Variants in PAK1 observed in about 807,000 individuals in gnomAD.
The protein encoded by PAK1 is serine/threonine-protein kinase PAK 1.
Under a neutral mutation model 67.4 loss-of-function variants are expected in PAK1, and 29 were observed. The observed-to-expected ratio is 0.43, with a 90% CI of 0.32 to 0.59. PAK1 has a LOEUF of 0.59. Among genes scored for constraint, PAK1 ranks in the 20% least tolerant of loss-of-function variants. PAK1 has a pLI of 0.07. For missense variants in PAK1, 337 were observed against 670.7 expected, an observed-to-expected ratio of 0.50 and a Z score of 5.50; for synonymous variants, 223 against 237.4, an observed-to-expected ratio of 0.94 and a Z score of 0.56.
intron 1 of PAK1, among the ~76,000 whole-genome samples, chr11:77,466,232 A>AT: frequency 6.6e-6 from 1 of 152,326 alleles, no homozygotes; most frequent in Non-Finnish European, 1.5e-5. Context: ...AATTCAACAC[A>AT]TTTATATGAC....
At chr11:77,435,699 G>A (rs543176910) in intron 1 of PAK1, among the ~76,000 whole-genome samples, 3 of 133,890 alleles carry the variant, frequency 2.2e-5, no homozygotes, top group Admixed American at 1.6e-4. Flanking sequence ...TAGTAGAGAC[G>A]GAGTTTCACC....
intron 1 of PAK1, among the ~76,000 whole-genome samples, chr11:77,422,758 G>A (rs1342823711): frequency 6.6e-6 from 1 of 152,114 alleles, no homozygotes; most frequent in Admixed American, 6.5e-5. Flanking sequence ...TAAGGATTCT[G>A]GGGAAATGGT....
chr11:77,345,743 T>C (rs1169353971), intron 9 of PAK1, among the ~76,000 whole-genome samples: 1 of 152,198 alleles, frequency 6.6e-6, no homozygotes, highest in Non-Finnish European at 1.5e-5. Context: ...TGAGCATTAG[T>C]TTTTCCTAAC....
At chr11:77,455,224 T>G (rs1482161256) in intron 1 of PAK1, among the ~76,000 whole-genome samples, 1 of 152,014 alleles carries the variant, frequency 6.6e-6, no homozygotes, top group Non-Finnish European at 1.5e-5. Flanking sequence ...CTGAATATTC[T>G]CTAGGGCATA....
At chr11:77,433,086 A>T (rs1034363549) in intron 1 of PAK1, among the ~76,000 whole-genome samples, 1 of 152,224 alleles carries the variant, frequency 6.6e-6, no homozygotes, top group African/African-American at 2.4e-5. Flanking sequence ...AAGACAATGC[A>T]ACGAAGAAAG....
intron 1 of PAK1, among the ~76,000 whole-genome samples, chr11:77,420,839 G>A (rs1172940554): frequency 3.9e-5 from 6 of 152,218 alleles, no homozygotes; most frequent in Non-Finnish European, 7.3e-5. Flanking sequence ...CTGGCATTTA[G>A]TAAGTGGGAG....
upstream of PAK1, chr11:77,474,292 T>G (rs1311458086): frequency 6.6e-6 from 1 of 151,794 alleles, no homozygotes; most frequent in Non-Finnish European, 1.5e-5. Context: ...GGGGAGGGCC[T>G]GACCGACCCG....
At chr11:77,362,112 C>A (rs986880847) in intron 5 of PAK1, among the ~76,000 whole-genome samples, 2 of 152,060 alleles carry the variant, frequency 1.3e-5, no homozygotes, top group Non-Finnish European at 2.9e-5. Flanking sequence ...TAAATTTATC[C>A]ACCGGTTTGG....
At chr11:77,523,545 G>A in the PAK1 span, among the ~76,000 whole-genome samples, 1,773 of 150,748 alleles carry the variant, frequency 0.012, 33 homozygotes, top group African/African-American at 0.037. Context: ...TCAGCCTCCC[G>A]AGTAGCTGGG....
chr11:77,413,958 C>T (rs1180787570), intron 1 of PAK1, among the ~76,000 whole-genome samples: 1 of 152,164 alleles, frequency 6.6e-6, no homozygotes, highest in African/African-American at 2.4e-5. Flanking sequence ...CGACTTCCCA[C>T]CCCATGCAGC....
intron 1 of PAK1, among the ~76,000 whole-genome samples, chr11:77,438,802 T>A (rs941939168): frequency 2.0e-5 from 3 of 152,188 alleles, no homozygotes; most frequent in African/African-American, 7.2e-5. Flanking sequence ...TATTAATCTA[T>A]AAAATGGTGA....
At chr11:77,439,866 G>C (rs1956280832) in intron 1 of PAK1, among the ~76,000 whole-genome samples, 1 of 152,164 alleles carries the variant, frequency 6.6e-6, no homozygotes. Flanking sequence ...TATAAGATTG[G>C]CTCCACTCAG....
At chr11:77,332,650 G>A in intron 14 of PAK1, 80 bp downstream of exon 14, 9 of 1,137,762 alleles carry the variant, frequency 7.9e-6, no homozygotes, top group African/African-American at 1.5e-5. Context: ...ATAATATCCA[G>A]TACCTTACAA....
intron 1 of PAK1, among the ~76,000 whole-genome samples, chr11:77,427,935 A>G (rs1399651867): frequency 6.6e-6 from 1 of 152,188 alleles, no homozygotes; most frequent in East Asian, 1.9e-4. Context: ...GCTAAGCCAG[A>G]CAGAGGAGAG....
chr11:77,425,690 A>C (rs987789129), intron 1 of PAK1, among the ~76,000 whole-genome samples: 3 of 152,258 alleles, frequency 2.0e-5, no homozygotes, highest in Admixed American at 2.0e-4. Flanking sequence ...AGCACCGTGT[A>C]AGGCATAGTA....
At chr11:77,424,674 C>T (rs1439756723) in intron 1 of PAK1, among the ~76,000 whole-genome samples, 1 of 152,194 alleles carries the variant, frequency 6.6e-6, no homozygotes, top group Non-Finnish European at 1.5e-5. Context: ...TTGCATAGAA[C>T]ACACTTATCT....
At chr11:77,444,126 A>C (rs1360903859) in intron 1 of PAK1, among the ~76,000 whole-genome samples, 1 of 152,110 alleles carries the variant, frequency 6.6e-6, no homozygotes. Context: ...TTATTCTCAG[A>C]CATAATATAC....
chr11:77,373,192 A>T (rs1275389032), intron 5 of PAK1, among the ~76,000 whole-genome samples: 1 of 152,200 alleles, frequency 6.6e-6, no homozygotes, highest in Admixed American at 6.5e-5. Context: ...ATGTTTAGTA[A>T]ATCAATATGG....
intron 1 of PAK1, among the ~76,000 whole-genome samples, chr11:77,410,943 AGTCT>A: frequency 6.6e-6 from 1 of 152,256 alleles, no homozygotes; most frequent in African/African-American, 2.4e-5. Flanking sequence ...CAGAGAAGAG[AGTCT>A]AGTTTAACGC....
Sources: gnomAD v4.1 joint callset for allele counts (sites outside exome capture counted in the v4.1 genomes callset) on GRCh38, gnomAD v4.1.1 for gene constraint, MANE v1.5 for transcripts, NCBI Gene and HGNC (gene_info 2026-07-23, HGNC 2026-07-21) for gene names.